Variants in GNG12 observed in about 807,000 individuals in gnomAD.
GNG12 encodes the protein guanine nucleotide-binding protein G(I)/G(S)/G(O) subunit gamma-12.
For missense variants in GNG12, 69 were observed against 83.8 expected (o/e 0.82, Z 0.69); for synonymous variants, 28 against 29.7 (o/e 0.94, Z 0.19).
chr1:67,743,702 G>A (rs1646494535), intron 2 of GNG12, among the ~76,000 whole-genome samples: 1 of 152,134 alleles, frequency 6.6e-6, no homozygotes, highest in Non-Finnish European at 1.5e-5. Flanking sequence ...GAAACTCAAA[G>A]AGCAATTAAT....
At chr1:67,798,019 T>C (rs952253803) in intron 1 of GNG12, among the ~76,000 whole-genome samples, 2 of 152,068 alleles carry the variant, frequency 1.3e-5, no homozygotes, top group African/African-American at 2.4e-5. Context: ...CCAAACTCCA[T>C]TTTTGCTCCC....
intron 2 of GNG12, among the ~76,000 whole-genome samples, chr1:67,737,148 T>C (rs1210089013): frequency 6.6e-6 from 1 of 152,214 alleles, no homozygotes. Context: ...TAGTACTCAT[T>C]AGGTAAATTA....
intron 2 of GNG12, among the ~76,000 whole-genome samples, chr1:67,761,120 T>G (rs1436581349): frequency 6.6e-6 from 1 of 152,194 alleles, no homozygotes; most frequent in Non-Finnish European, 1.5e-5. Flanking sequence ...TCTAGGATTC[T>G]GGGGTAAAGC....
At chr1:67,809,095 T>C (rs976662499) in intron 1 of GNG12, among the ~76,000 whole-genome samples, 1 of 152,038 alleles carries the variant, frequency 6.6e-6, no homozygotes, top group Non-Finnish European at 1.5e-5. Context: ...GACTAACAGG[T>C]GAACGAAACA....
chr1:67,778,315 G>A (rs1236168791), intron 1 of GNG12, among the ~76,000 whole-genome samples: 2 of 151,918 alleles, frequency 1.3e-5, no homozygotes, highest in Non-Finnish European at 2.9e-5. Flanking sequence ...GTCTCAACTT[G>A]AGCTAGCCAC....
At chr1:67,754,954 T>C (rs1646559609) in intron 2 of GNG12, among the ~76,000 whole-genome samples, 1 of 152,256 alleles carries the variant, frequency 6.6e-6, no homozygotes, top group Non-Finnish European at 1.5e-5. Flanking sequence ...CTAGGCCACA[T>C]GGATGGCCCC....
At chr1:67,706,064 G>A (rs1322257398) in intron 3 of GNG12, among the ~76,000 whole-genome samples, 3 of 152,102 alleles carry the variant, frequency 2.0e-5, no homozygotes, top group African/African-American at 7.3e-5. Context: ...GTGTGTATGT[G>A]TGTACAGACA....
intron 2 of GNG12, among the ~76,000 whole-genome samples, chr1:67,743,658 A>G (rs1488140481): frequency 6.6e-6 from 1 of 152,208 alleles, no homozygotes; most frequent in African/African-American, 2.4e-5. Context: ...CCCCTGAAAA[A>G]GCCCTATTTA....
At chr1:67,750,343 C>G (rs1216434640) in intron 2 of GNG12, among the ~76,000 whole-genome samples, 1 of 152,202 alleles carries the variant, frequency 6.6e-6, no homozygotes, top group Non-Finnish European at 1.5e-5. Flanking sequence ...ACCACACTTG[C>G]CTCACATCCC....
At chr1:67,743,111 A>C (rs1646491497) in intron 2 of GNG12, among the ~76,000 whole-genome samples, 1 of 152,212 alleles carries the variant, frequency 6.6e-6, no homozygotes, top group Non-Finnish European at 1.5e-5. Flanking sequence ...TAAAAAATTC[A>C]GTTACACTGG....
At chr1:67,804,775 T>G (rs1473039849) in intron 1 of GNG12, among the ~76,000 whole-genome samples, 2 of 151,724 alleles carry the variant, frequency 1.3e-5, no homozygotes, top group African/African-American at 2.4e-5. Context: ...ACCAACAAAT[T>G]GCTAGAGACT....
intron 2 of GNG12, among the ~76,000 whole-genome samples, chr1:67,716,978 G>A (rs1445469745): frequency 1.3e-5 from 2 of 152,188 alleles, no homozygotes; most frequent in Non-Finnish European, 2.9e-5. Flanking sequence ...AGAGGAGAGT[G>A]AGCTGCAGAG....
At chr1:67,710,955 C>T (rs1179168325) in intron 2 of GNG12, among the ~76,000 whole-genome samples, 2 of 151,836 alleles carry the variant, frequency 1.3e-5, no homozygotes, top group Admixed American at 6.6e-5. Flanking sequence ...ACAGAGAAAA[C>T]GTTAAACAAG....
At chr1:67,784,857 T>C (rs971929259) in intron 1 of GNG12, among the ~76,000 whole-genome samples, 1 of 152,210 alleles carries the variant, frequency 6.6e-6, no homozygotes, top group Non-Finnish European at 1.5e-5. Flanking sequence ...CTTGGCAAAA[T>C]GTTTGGCTTT....
chr1:67,706,119 G>A (rs535630715), intron 3 of GNG12, among the ~76,000 whole-genome samples: 4 of 152,342 alleles, frequency 2.6e-5, no homozygotes, highest in African/African-American at 9.6e-5. Flanking sequence ...GTGGTCAAAT[G>A]TTAAAAACTG....
intron 2 of GNG12, among the ~76,000 whole-genome samples, chr1:67,761,743 T>C (rs1002222945): frequency 1.3e-5 from 2 of 152,042 alleles, no homozygotes; most frequent in African/African-American, 4.8e-5. Context: ...TAACCCTTAG[T>C]CCCTTACCCT....
At chr1:67,728,357 GCT>G in intron 2 of GNG12, among the ~76,000 whole-genome samples, 1 of 152,278 alleles carries the variant, frequency 6.6e-6, no homozygotes, top group African/African-American at 2.4e-5. Flanking sequence ...CTCCCTGATT[GCT>G]CTGTCTGGTG....
chr1:67,770,091 C>T (rs1184051567), intron 2 of GNG12, among the ~76,000 whole-genome samples: 1 of 152,144 alleles, frequency 6.6e-6, no homozygotes, highest in African/African-American at 2.4e-5. Flanking sequence ...TGAAGGTTTC[C>T]ACCACCTCAA....
chr1:67,801,793 T>C (rs372222938), intron 1 of GNG12, among the ~76,000 whole-genome samples: 3 of 152,140 alleles, frequency 2.0e-5, no homozygotes, highest in Non-Finnish European at 2.9e-5. Context: ...ATCTGCAGAA[T>C]GGGATGATAA....
Sources: gnomAD v4.1 joint callset for allele counts (sites outside exome capture counted in the v4.1 genomes callset) on GRCh38, gnomAD v4.1.1 for gene constraint, MANE v1.5 for transcripts, NCBI Gene and HGNC (gene_info 2026-07-23, HGNC 2026-07-21) for gene names.